The following TP53BP2 variants were observed in gnomAD, a reference collection of about 807,000 sequenced individuals.
TP53BP2 encodes tumor protein p53 binding protein 2.
In TP53BP2, 62 loss-of-function variants were observed where a neutral mutation model predicts 126.2. The observed-to-expected ratio is 0.49, with a 90% CI of 0.40 to 0.61. TP53BP2 has a LOEUF of 0.61. Ranked by LOEUF, TP53BP2 falls within the 20% of genes least tolerant of loss-of-function variation. The pLI, the probability that TP53BP2 is intolerant of heterozygous loss-of-function variation, is 0.00. For synonymous variants in TP53BP2, 485 were observed against 502.9 expected (o/e 0.96, Z 0.48); for missense variants, 1,215 against 1,402.8 (o/e 0.87, Z 2.14).
At position 223,803,003 on chromosome 1, in the gene TP53BP2, C is replaced by T. The variant is rs975822744; in HGVS notation, c.832-108G>A. On this transcript the variant is annotated intron_variant, in intron 7 of 17. Coordinates refer to ENST00000343537, the MANE Select transcript of TP53BP2 (RefSeq NM_001031685.3). Reference sequence around the variant, plus strand: ...TATAATTTCTAAAAATATGAGGTCCCTCCACCCCTCCACACTTCTCATCTC... The same window carrying T: ...TATAATTTCTAAAAATATGAGGTCCTTCCACCCCTCCACACTTCTCATCTC... 2.6e-6 allele frequency: 3 copies of T among 1,144,534 alleles called. No individual in the cohort carries two copies. The African/African-American group carries it at 4.7e-5, about 18-fold the overall frequency. The allele number at this position is 1,144,534 out of a possible 1,614,324, so 70.9% of individuals were successfully genotyped here. A position where few individuals can be genotyped will look rare whatever the true frequency, so the allele number is the denominator to read the frequency against.
chr1:223,807,652 T>A (rs912169974), intron 4 of TP53BP2, among the ~76,000 whole-genome samples: 1 of 152,066 alleles, frequency 6.6e-6, no homozygotes, highest in African/African-American at 2.4e-5. Flanking sequence ...CAAGTGCATT[T>A]CAATATATTA....
intron 1 of TP53BP2, among the ~76,000 whole-genome samples, chr1:223,824,612 C>T (rs1434983462): frequency 2.6e-5 from 4 of 152,130 alleles, no homozygotes; most frequent in Admixed American, 6.5e-5. Flanking sequence ...AATAGCTACA[C>T]GTTTACCTAC....
rs754342927 is a variant in TP53BP2, at chr1:223,804,315, G to A, written c.508C>T (p.Gln170Ter). The A allele has an allele frequency of 5.0e-6, 8 of 1,613,452 alleles. No individual in the cohort carries two copies. Among genetic ancestry groups the A allele is most frequent in the Non-Finnish European group, 6.8e-6 (8 of 1,179,924 alleles). ...QRLKFLKQQD[Q>*]RQQQQVAEQE... ...TCAGCAACTTGTTGCTGTTGTCGCTGATCTTGTTGTTTCAAAAACTTTAAG... is the reference window on the plus strand; with the variant it reads ...TCAGCAACTTGTTGCTGTTGTCGCTAATCTTGTTGTTTCAAAAACTTTAAG... Residue 170 changes from glutamine (Q) to a stop codon, truncating the protein, a stop_gained, in exon 6 of 18, where the codon CAG (glutamine) becomes TAG (stop). Coordinates refer to ENST00000343537, the MANE Select transcript of TP53BP2 (RefSeq NM_001031685.3). LOFTEE classifies it high-confidence loss of function.
Position 223,800,729 on chromosome 1 carries a change from G to A in TP53BP2, c.1307C>T (p.Pro436Leu). 6.2e-7 allele frequency: 1 copy of A among 1,606,300 alleles called. No homozygotes were observed. Among genetic ancestry groups the A allele is most frequent in the Non-Finnish European group, 8.5e-7 (1 of 1,178,056 alleles). Residue 436 changes from proline to leucine, a missense_variant, in exon 10 of 18, where the codon CCT becomes CTT. This residue lies in a region of TP53BP2 where 814 missense variants were observed against 853.0 expected (regional missense o/e 0.95). Coordinates refer to ENST00000343537, the MANE Select transcript of TP53BP2 (RefSeq NM_001031685.3). ...LFPSQGSASV[P>L]QSTGNALDQV... ...ATCCAGAGCATTCCCAGTGCTTTGA[G>A]GTACAGAAGCAGAGCCTTGGCTTGG...
chr1:223,824,675 TA>T (rs921688132), intron 1 of TP53BP2, among the ~76,000 whole-genome samples: 19 of 149,638 alleles, frequency 1.3e-4, no homozygotes, highest in Admixed American at 2.7e-4. Context: ...AATTAATTTT[TA>T]AAAAAAAAAG....
At position 223,803,435 on chromosome 1, in the gene TP53BP2, T is replaced by C; in HGVS notation, c.667A>G (p.Met223Val). The part of the protein sequence containing the change: ...NGKLVEEIEQ[M>V]NNLFQQKQRE... ...TGTTTTTGCTGGAACAAATTATTCATCTGTTCAATTTCCTCCACTAGATGA... is the reference window on the plus strand; with the variant it reads ...TGTTTTTGCTGGAACAAATTATTCACCTGTTCAATTTCCTCCACTAGATGA... Residue 223 changes from methionine (M) to valine (V), a missense_variant, in exon 7 of 18, where the codon ATG (methionine) becomes GTG (valine). Met to Val is a conservative substitution (Grantham distance 21). Around this residue, in one of 4 missense-constraint regions of TP53BP2, gnomAD observed 814 missense variants for 853.0 expected, o/e 0.95. Coordinates refer to ENST00000343537, the MANE Select transcript of TP53BP2 (RefSeq NM_001031685.3). The C allele has an allele frequency of 6.2e-7, 1 of 1,612,802 alleles. No homozygotes were observed. Among genetic ancestry groups the C allele is most frequent in the Non-Finnish European group, 8.5e-7 (1 of 1,179,356 alleles).
chr1:223,793,258 C>A (rs1250372517), intron 14 of TP53BP2, 45 bp downstream of exon 14: 3 of 1,406,850 alleles, frequency 2.1e-6, no homozygotes, highest in South Asian at 3.2e-5. Flanking sequence ...GATGACAGAG[C>A]GAGACTCTGA....
intron 3 of TP53BP2, among the ~76,000 whole-genome samples, chr1:223,812,925 T>C (rs572947305): frequency 6.6e-6 from 1 of 151,976 alleles, no homozygotes; most frequent in African/African-American, 2.4e-5. Flanking sequence ...CTCAAACTCC[T>C]GATCTAAGGT....
In TP53BP2 at chr1:223,800,926, C is replaced by T. The variant is rs78460150; in HGVS notation, c.1226-116G>A. ...AGCTTTAAATTCCAGACTCACAACACCCCAATAAATTTACTTAGAAAATAC... is the reference window on the plus strand; with the variant it reads ...AGCTTTAAATTCCAGACTCACAACATCCCAATAAATTTACTTAGAAAATAC... On this transcript the variant is annotated intron_variant, in intron 9 of 17. Transcript: ENST00000343537. 1.0e-3 allele frequency: 666 copies of T among 646,422 alleles called. 2 individuals are homozygous for T. The African/African-American group carries it at 0.012, about 11-fold the overall frequency. The allele number at this position is 646,422 out of a possible 1,614,324, so 40.0% of individuals were successfully genotyped here. A position where few individuals can be genotyped will look rare whatever the true frequency, so the allele number is the denominator to read the frequency against.
At chr1:223,788,405 C>CA (rs1349233349) in intron 16 of TP53BP2, among the ~76,000 whole-genome samples, 3 of 151,810 alleles carry the variant, frequency 2.0e-5, no homozygotes, top group Non-Finnish European at 2.9e-5. Context: ...GCCTTGTAAA[C>CA]AAAAAAAATT....
At chr1:223,785,331 C>T (rs1374770239) in intron 16 of TP53BP2, among the ~76,000 whole-genome samples, 1 of 152,108 alleles carries the variant, frequency 6.6e-6, no homozygotes, top group Non-Finnish European at 1.5e-5. Flanking sequence ...AAAACTGAAA[C>T]AAGAAATTCT....
At position 223,796,621 on chromosome 1, in the gene TP53BP2, A is replaced by G; in HGVS notation, c.1949-31T>C. 2 of 1,527,378 alleles carry G rather than the reference A, an allele frequency of 1.3e-6. No individual in the cohort carries two copies. Among genetic ancestry groups the G allele is most frequent in the Non-Finnish European group, 1.7e-6 (2 of 1,146,448 alleles). 94.6% of individuals were successfully genotyped at this position (1,527,378 alleles called of 1,614,324 possible). On this transcript the variant is annotated intron_variant, in intron 12 of 17. Coordinates refer to ENST00000343537, the MANE Select transcript of TP53BP2 (RefSeq NM_001031685.3). This position sits in a 1 kb window ranked among gnomAD's most constrained non-coding sequence, Gnocchi z 4.2. ...TGGAAAAGGAAAAAAAAAAGCCCTC[A>G]TTAGCATTAATTAAACAAAACTGGC...
At chr1:223,804,601 T>G (rs1005518874) in intron 5 of TP53BP2, among the ~76,000 whole-genome samples, 1 of 152,242 alleles carries the variant, frequency 6.6e-6, no homozygotes, top group Non-Finnish European at 1.5e-5. Context: ...GTGGTTCTTA[T>G]GCAGCAAGGA....
At chr1:223,784,063 A>T in intron 17 of TP53BP2, 52 bp downstream of exon 17, 2 of 1,551,466 alleles carry the variant, frequency 1.3e-6, no homozygotes, top group South Asian at 2.2e-5. Flanking sequence ...CAGTTTTTAC[A>T]AAGCCCCTCT....
At position 223,802,944 on chromosome 1, in the gene TP53BP2, T is replaced by C. The variant is rs781094888; in HGVS notation, c.832-49A>G. 2.5e-6 allele frequency: 4 copies of C among 1,600,086 alleles called. No homozygotes were observed. The South Asian group carries it at 3.3e-5, about 13-fold the overall frequency. ...AGGTAGCCAAGGAGTAGGAAGAAAA[T>C]GTCTCAAACAGTTAATCACATGGTT... On this transcript the variant is annotated intron_variant, in intron 7 of 17. Coordinates refer to ENST00000343537, the MANE Select transcript of TP53BP2 (RefSeq NM_001031685.3).
At chr1:223,834,785 G>C in intron 1 of TP53BP2, 1 of 979,966 alleles carries the variant, frequency 1.0e-6, no homozygotes, top group Non-Finnish European at 1.2e-6. Context: ...ATAACTCAAA[G>C]ACCATAAAAC....
intron 2 of TP53BP2, chr1:223,818,310 T>C (rs1433674101): frequency 6.6e-6 from 1 of 152,270 alleles, no homozygotes; most frequent in Non-Finnish European, 1.5e-5. Flanking sequence ...GAGACCATCC[T>C]GGCCAACATG....
chr1:223,812,271 G>A (rs1011273684), intron 3 of TP53BP2, among the ~76,000 whole-genome samples: 2 of 152,088 alleles, frequency 1.3e-5, no homozygotes, highest in African/African-American at 4.8e-5. Context: ...GGGTAGAAGG[G>A]GCCAAACTAA....
rs757044835 is a variant in TP53BP2 at position 223,789,142 on chromosome 1, T to C, written c.3029A>G (p.Asn1010Ser). 6 of 1,614,114 alleles carry C rather than the reference T, an allele frequency of 3.7e-6. No homozygotes were observed. Among genetic ancestry groups the C allele is most frequent in the Non-Finnish European group, 5.1e-6 (6 of 1,180,006 alleles). The change falls in exon 16 of 18, where the codon AAC (asparagine) becomes AGC (serine). Residue 1010 changes from asparagine to serine, a missense_variant. By Grantham distance (46) the Asn-to-Ser change is conservative (BLOSUM62 1). Transcript: ENST00000343537. ...CACCAAAAACTTACACACTTGGACGTTGTTACATGAGGCAGCACAATGTAA... is the reference window on the plus strand; with the variant it reads ...CACCAAAAACTTACACACTTGGACGCTGTTACATGAGGCAGCACAATGTAA... ...TPLHCAASCN[N>S]VQVCKFLVES...
Sources: gnomAD v4.1 joint callset for allele counts (sites outside exome capture counted in the v4.1 genomes callset) on GRCh38, gnomAD v4.1.1 for gene constraint, gnomAD v4.1.1 regional missense constraint, Gnocchi (gnomAD v3.1) non-coding constraint, MANE v1.5 for transcripts, NCBI Gene and HGNC (gene_info 2026-07-23, HGNC 2026-07-21) for gene names.